BRD7: variants seen among roughly 807,000 people sequenced by gnomAD.
The protein encoded by BRD7 is bromodomain-containing protein 7.
Under a neutral mutation model 82.1 loss-of-function variants are expected in BRD7, and 15 were observed. The observed-to-expected ratio is 0.18, with a 90% confidence interval of 0.12 to 0.28. BRD7 has a LOEUF of 0.28. Among genes scored for constraint, BRD7 ranks in the 10% least tolerant of loss-of-function variants. BRD7 has a pLI of 1.00. For missense variants in BRD7, 638 were observed against 779.9 expected (o/e 0.82, Z 2.17); for synonymous variants, 232 against 266.9 (o/e 0.87, Z 1.27).
chr16:50,318,306 CA>C lies in BRD7; in HGVS notation c.*904del, dbSNP rs1363253994. Reference sequence around the variant, plus strand: ...CTAAATACTAATTAATTTTCAAAGTCAGGAAAATAATAGAAATCAAATGGCT... The same window carrying C: ...CTAAATACTAATTAATTTTCAAAGTCGGAAAATAATAGAAATCAAATGGCT... On this transcript the variant is annotated 3_prime_UTR_variant, in exon 17 of 17. Coordinates refer to ENST00000394688, the MANE Select transcript of BRD7 (RefSeq NM_013263.5). 3 of 152,124 alleles carry C rather than the reference CA, an allele frequency of 2.0e-5. No individual in the cohort carries two copies. Among genetic ancestry groups the C allele is most frequent in the Admixed American group, 2.0e-4 (3 of 15,266 alleles). The allele number at this position is 152,124 out of a possible 1,614,324, so 9.4% of individuals were successfully genotyped here. A position where few individuals can be genotyped will look rare whatever the true frequency, so the allele number is the denominator to read the frequency against.
At chr16:50,320,622 C>CA in intron 14 of BRD7, 41 bp downstream of exon 14, 1 of 1,480,778 alleles carries the variant, frequency 6.8e-7, no homozygotes, top group Admixed American at 1.7e-5. Context: ...TGACTGCCTA[C>CA]ATCATGCAGT....
At chr16:50,327,630 TTC>T (rs2037393922) in intron 9 of BRD7, among the ~76,000 whole-genome samples, 1 of 152,230 alleles carries the variant, frequency 6.6e-6, no homozygotes, top group Non-Finnish European at 1.5e-5. Context: ...ACAACTGCTG[TTC>T]TCTCATCCCT....
At chr16:50,356,714 G>GAA (rs536117005) in intron 2 of BRD7, among the ~76,000 whole-genome samples, 128 of 121,100 alleles carry the variant, frequency 1.1e-3, no homozygotes, top group African/African-American at 3.8e-3. Flanking sequence ...TTCCTTAGGG[G>GAA]AAAAAAAAAA....
intron 2 of BRD7, among the ~76,000 whole-genome samples, chr16:50,364,081 A>G (rs2039045501): frequency 6.6e-6 from 1 of 152,088 alleles, no homozygotes. Flanking sequence ...AAAAAAAAAA[A>G]AAGACAACAT....
At chr16:50,319,816 T>C in intron 16 of BRD7, 71 bp downstream of exon 16, 1 of 1,540,922 alleles carries the variant, frequency 6.5e-7, no homozygotes, top group Non-Finnish European at 8.7e-7. Flanking sequence ...GATACCAATC[T>C]CGGGCAGACA....
rs566766845 is a variant in BRD7, at chr16:50,340,626, C to A, written c.592-540G>T. On this transcript the variant is annotated intron_variant, in intron 5 of 16. Transcript: ENST00000394688. ...AAAAAATGTTAAAACATTTACACTA[C>A]TTTTATGTGTTTGGATACTATCATA... Among the ~76,000 whole-genome samples the A allele has an allele frequency of 3.9e-5, 6 of 152,302 alleles. No homozygotes were observed. In the South Asian group the frequency reaches 1.2e-3, roughly 32 times the overall value.
intron 12 of BRD7, among the ~76,000 whole-genome samples, chr16:50,322,492 C>G (rs557437014): frequency 2.6e-5 from 4 of 152,268 alleles, no homozygotes; most frequent in African/African-American, 9.6e-5. Context: ...AGAGCTAATG[C>G]ACCCAGGAAC....
intron 2 of BRD7, among the ~76,000 whole-genome samples, chr16:50,355,202 A>C (rs904289642): frequency 6.6e-6 from 1 of 152,230 alleles, no homozygotes. Flanking sequence ...AAAGATACCC[A>C]AAACCTTTTG....
intron 5 of BRD7, among the ~76,000 whole-genome samples, chr16:50,348,705 A>G (rs1479329472): frequency 1.3e-5 from 2 of 152,230 alleles, no homozygotes; most frequent in African/African-American, 4.8e-5. Context: ...AACCACAATG[A>G]GATACCATCT....
chr16:50,336,855 G>A (rs1331518661), intron 6 of BRD7, among the ~76,000 whole-genome samples: 1 of 152,188 alleles, frequency 6.6e-6, no homozygotes, highest in Non-Finnish European at 1.5e-5. Flanking sequence ...TCCTTTGAAA[G>A]CAATGTCTTT....
At chr16:50,343,552 T>C (rs940815101) in intron 5 of BRD7, among the ~76,000 whole-genome samples, 3 of 152,200 alleles carry the variant, frequency 2.0e-5, no homozygotes, top group African/African-American at 7.2e-5. Context: ...TTCCCTTTCC[T>C]AGCCAAGGGA....
chr16:50,364,659 CA>C (rs1395629606), intron 2 of BRD7, among the ~76,000 whole-genome samples: 2 of 152,134 alleles, frequency 1.3e-5, no homozygotes, highest in Non-Finnish European at 2.9e-5. Context: ...GGCTGGAACA[CA>C]GGGGGGAGAA....
chr16:50,334,498 G>C (rs1429880815), intron 7 of BRD7, among the ~76,000 whole-genome samples: 1 of 152,022 alleles, frequency 6.6e-6, no homozygotes, highest in African/African-American at 2.4e-5. Context: ...ATACACATTA[G>C]AACTGCTTTC....
At chr16:50,366,821 A>G (rs901207907) in intron 2 of BRD7, among the ~76,000 whole-genome samples, 1 of 152,240 alleles carries the variant, frequency 6.6e-6, no homozygotes, top group Admixed American at 6.5e-5. Flanking sequence ...ATTAAAAAAA[A>G]CAACTGGTTA....
intron 2 of BRD7, 95 bp downstream of exon 2, chr16:50,367,995 G>T: frequency 7.8e-7 from 1 of 1,280,472 alleles, no homozygotes; most frequent in Non-Finnish European, 1.1e-6. Flanking sequence ...TCTTAGAGGC[G>T]TTTGTTTTCC....
intron 4 of BRD7, among the ~76,000 whole-genome samples, chr16:50,350,652 A>C (rs1597079538): frequency 6.6e-6 from 1 of 152,220 alleles, no homozygotes; most frequent in African/African-American, 2.4e-5. Context: ...TATCACGTGT[A>C]TGTGGGGGAT....
chr16:50,343,437 G>A lies in BRD7; in HGVS notation c.592-3351C>T, dbSNP rs1388121476. On this transcript the variant is annotated intron_variant, in intron 5 of 16. Transcript: ENST00000394688. The stretch of plus-strand genomic sequence containing the variant: ...TTCTGCATTTCCAACTGAGGTACTG[G>A]GTTCATCTCACTGGGGCTTGTCGGA... Among the ~76,000 whole-genome samples the A allele has an allele frequency of 2.6e-5, 4 of 152,304 alleles. No homozygotes were observed. The South Asian group carries it at 8.3e-4, about 32-fold the overall frequency.
At chr16:50,333,873 G>C (rs2037679267) in intron 7 of BRD7, among the ~76,000 whole-genome samples, 176 bp from the exon 8 acceptor site, 2 of 152,148 alleles carry the variant, frequency 1.3e-5, no homozygotes, top group Admixed American at 1.3e-4. Flanking sequence ...AACAGAAACA[G>C]TAAGGCACAC....
At chr16:50,355,793 A>C (rs2038708580) in intron 2 of BRD7, among the ~76,000 whole-genome samples, 1 of 152,234 alleles carries the variant, frequency 6.6e-6, no homozygotes, top group Non-Finnish European at 1.5e-5. Context: ...AAAAAGATAT[A>C]AAATGAATAA....
Sources: gnomAD v4.1 joint callset for allele counts (sites outside exome capture counted in the v4.1 genomes callset) on GRCh38, gnomAD v4.1.1 for gene constraint, MANE v1.5 for transcripts, NCBI Gene and HGNC (gene_info 2026-07-23, HGNC 2026-07-21) for gene names.